The following DOCK4 variants were observed in gnomAD, a reference collection of about 807,000 sequenced individuals.
The protein encoded by DOCK4 is dedicator of cytokinesis 4, also known as dedicator of cytokinesis protein 4.
Under a neutral mutation model 268.1 loss-of-function variants are expected in DOCK4, and 97 were observed. That is an observed-to-expected ratio of 0.36 (90% CI 0.31 to 0.43). DOCK4 has a LOEUF of 0.43. DOCK4 is among the 20% of genes least tolerant of loss of function. DOCK4 has a pLI of 1.00. For synonymous variants in DOCK4, 954 were observed against 887.2 expected, an observed-to-expected ratio of 1.08 and a Z score of -1.34; for missense variants, 2,145 against 2,455.7, an observed-to-expected ratio of 0.87 and a Z score of 2.67.
intron 41 of DOCK4, among the ~76,000 whole-genome samples, chr7:111,758,297 AGG>A (rs1797170424): frequency 6.6e-6 from 1 of 152,256 alleles, no homozygotes; most frequent in Admixed American, 6.5e-5. Flanking sequence ...AATGAATAAG[AGG>A]ACTGACTTCA....
chr7:112,036,656 CTTT>C (rs57264652), intron 1 of DOCK4, among the ~76,000 whole-genome samples: 12 of 106,214 alleles, frequency 1.1e-4, no homozygotes, highest in South Asian at 3.2e-4. Context: ...TAGAGGATTT[CTTT>C]TTTTTTTTTT....
At chr7:112,124,339 T>A (rs746516226) in intron 1 of DOCK4, among the ~76,000 whole-genome samples, 6 of 152,202 alleles carry the variant, frequency 3.9e-5, no homozygotes, top group Non-Finnish European at 8.8e-5. Context: ...TTAAGTGATA[T>A]AATAAAGCAA....
chr7:111,809,235 G>A, intron 29 of DOCK4, 66 bp downstream of exon 29: 1 of 1,257,160 alleles, frequency 8.0e-7, no homozygotes, highest in Non-Finnish European at 1.1e-6. Flanking sequence ...TCTGATTTAT[G>A]AATCATTTGA....
intron 37 of DOCK4, among the ~76,000 whole-genome samples, chr7:111,768,367 G>A (rs1198340703): frequency 1.3e-5 from 2 of 152,140 alleles, no homozygotes; most frequent in Non-Finnish European, 2.9e-5. Context: ...ATATGTCAGT[G>A]TACCTAGATA....
intron 12 of DOCK4, among the ~76,000 whole-genome samples, chr7:111,929,267 T>C (rs781167822): frequency 6.6e-6 from 1 of 152,158 alleles, no homozygotes; most frequent in Non-Finnish European, 1.5e-5. Context: ...TATGACTATA[T>C]GCACACACAT....
chr7:112,064,807 C>G (rs909302246), intron 1 of DOCK4, among the ~76,000 whole-genome samples: 1 of 152,166 alleles, frequency 6.6e-6, no homozygotes, highest in African/African-American at 2.4e-5. Context: ...CATGATGCAA[C>G]CTGACTGGTG....
intron 23 of DOCK4, 144 bp downstream of exon 23, chr7:111,863,228 A>T (rs578238910): frequency 1.2e-6 from 1 of 814,124 alleles, no homozygotes; most frequent in African/African-American, 1.7e-5. Flanking sequence ...TTGACTACTA[A>T]ATACATTTAC....
At chr7:111,791,174 C>T (rs1040276251) in intron 30 of DOCK4, among the ~76,000 whole-genome samples, 1 of 143,812 alleles carries the variant, frequency 7.0e-6, no homozygotes, top group African/African-American at 2.6e-5. Flanking sequence ...GATCATTTAA[C>T]ATAAGGCTGA....
At chr7:111,924,221 T>C (rs1360093730) in intron 12 of DOCK4, among the ~76,000 whole-genome samples, 1 of 152,248 alleles carries the variant, frequency 6.6e-6, no homozygotes, top group Non-Finnish European at 1.5e-5. Context: ...GCCTCATTGA[T>C]TGCTAATTGT....
intron 39 of DOCK4, among the ~76,000 whole-genome samples, chr7:111,764,230 T>C (rs1416883353): frequency 6.6e-6 from 1 of 152,242 alleles, no homozygotes; most frequent in South Asian, 2.1e-4. Context: ...TATCTGTCTT[T>C]TTCATTCTGA....
intron 12 of DOCK4, among the ~76,000 whole-genome samples, chr7:111,928,586 CTTTTT>C (rs200976875): frequency 0.13 from 17,124 of 129,438 alleles, 1,152 homozygotes; most frequent in East Asian, 0.37. Flanking sequence ...TTTTCTTTTT[CTTTTT>C]TTTTTTTTTT....
In DOCK4 at chr7:112,021,140, T is replaced by G. The variant is rs78430945; in HGVS notation, c.38-17009A>C. On this transcript the variant is annotated intron_variant, in intron 1 of 52. Transcript: ENST00000428084. Reference sequence around the variant, plus strand: ...ATTATGATTTTTCTCTTCTAAACTATTTTGCTCCAGAAATCAGCCTTTTAT... The same window carrying G: ...ATTATGATTTTTCTCTTCTAAACTAGTTTGCTCCAGAAATCAGCCTTTTAT... 2.3e-3 allele frequency among the ~76,000 whole-genome samples: 350 copies of G among 152,302 alleles called. 10 individuals are homozygous for G. The East Asian group carries it at 0.061, about 27-fold the overall frequency.
chr7:112,019,954 A>G (rs1802172298), intron 1 of DOCK4, among the ~76,000 whole-genome samples: 1 of 152,238 alleles, frequency 6.6e-6, no homozygotes, highest in South Asian at 2.1e-4. Context: ...TAAGCCTAGA[A>G]CTAAGTCATA....
intron 1 of DOCK4, among the ~76,000 whole-genome samples, chr7:112,038,097 C>G (rs1335121289): frequency 6.6e-6 from 1 of 152,182 alleles, no homozygotes; most frequent in Non-Finnish European, 1.5e-5. Context: ...TCATGCCTGT[C>G]TACCTATCCA....
intron 42 of DOCK4, among the ~76,000 whole-genome samples, chr7:111,749,067 C>G (rs1372019965): frequency 6.6e-6 from 1 of 152,068 alleles, no homozygotes; most frequent in African/African-American, 2.4e-5. Context: ...GGAATGGATA[C>G]CATAGAAGTC....
intron 26 of DOCK4, among the ~76,000 whole-genome samples, chr7:111,823,888 C>A (rs1802200798): frequency 6.6e-6 from 1 of 152,154 alleles, no homozygotes; most frequent in Non-Finnish European, 1.5e-5. Context: ...GCACAGAAGA[C>A]AGAAAAAATC....
intron 12 of DOCK4, 116 bp downstream of exon 12, chr7:111,935,424 T>C (rs1200210611): frequency 4.7e-6 from 4 of 853,306 alleles, no homozygotes; most frequent in Non-Finnish European, 6.0e-6. Context: ...TTTTTAAAGT[T>C]AGGGAGTGAA....
intron 47 of DOCK4, 38 bp from the exon 48 acceptor site, chr7:111,739,515 A>G (rs1795748840): frequency 6.6e-7 from 1 of 1,525,034 alleles, no homozygotes; most frequent in African/African-American, 1.4e-5. Context: ...TACCCTGATT[A>G]AAGGCTTCCC....
chr7:112,006,415 C>T (rs1800866721), intron 1 of DOCK4, among the ~76,000 whole-genome samples: 1 of 152,152 alleles, frequency 6.6e-6, no homozygotes, highest in African/African-American at 2.4e-5. Context: ...AACTGCATTA[C>T]ATGGGAAAAC....
Sources: gnomAD v4.1 joint callset for allele counts (sites outside exome capture counted in the v4.1 genomes callset) on GRCh38, gnomAD v4.1.1 for gene constraint, MANE v1.5 for transcripts, NCBI Gene and HGNC (gene_info 2026-07-23, HGNC 2026-07-21) for gene names.